The following KLF8 variants were observed in gnomAD, a reference collection of about 807,000 sequenced individuals.
KLF8 encodes the protein KLF transcription factor 8.
KLF8 carries 10 observed loss-of-function variants against 18.2 expected under a neutral mutation model. The ratio of observed to expected loss-of-function variants is 0.55; its 90% CI spans 0.34 to 0.93. KLF8 has a LOEUF of 0.93. Ranked by LOEUF, KLF8 falls within the 40% of genes least tolerant of loss-of-function variation. The pLI is 0.02. For missense variants in KLF8, 264 were observed against 277.9 expected (o/e 0.95, Z 0.36); for synonymous variants, 109 against 97.3 (o/e 1.12, Z -0.71).
At chrX:55,986,853 A>G in the KLF8 span, among the ~76,000 whole-genome samples, 1 of 111,696 alleles carries the variant, frequency 9.0e-6, no homozygotes, top group Admixed American at 9.5e-5. Flanking sequence ...TCTCCCAGCC[A>G]TCACTCTCAA....
At chrX:56,113,155 G>A in the KLF8 span, among the ~76,000 whole-genome samples, 1 of 106,147 alleles carries the variant, frequency 9.4e-6, no homozygotes, top group Non-Finnish European at 1.9e-5. Flanking sequence ...CAGAGATTAT[G>A]CCACTGCACT....
At chrX:56,100,059 C>A in the KLF8 span, among the ~76,000 whole-genome samples, 15,225 of 111,018 alleles carry the variant, frequency 0.14, 1,106 homozygotes, top group Non-Finnish European at 0.21. Flanking sequence ...CAATGCCTGG[C>A]TTCAAAGCTT....
At chrX:55,947,523 A>G in the KLF8 span, among the ~76,000 whole-genome samples, 31 of 106,944 alleles carry the variant, frequency 2.9e-4, no homozygotes, top group Admixed American at 2.8e-3. Flanking sequence ...GCATTAGGAG[A>G]TACACCTAAT....
chrX:56,249,782 AT>A (rs2066678860), intron 1 of KLF8, among the ~76,000 whole-genome samples: 1 of 111,661 alleles, frequency 9.0e-6, no homozygotes, highest in African/African-American at 3.3e-5. Flanking sequence ...AACTGTTTTT[AT>A]TACCCCACCT....
intron 5 of KLF8, among the ~76,000 whole-genome samples, chrX:56,276,770 G>A (rs1224583580): frequency 9.0e-6 from 1 of 111,199 alleles, no homozygotes; most frequent in Non-Finnish European, 1.9e-5. Context: ...TAACCTTCTT[G>A]TACTTGGATA....
At chrX:56,264,382 G>T (rs1044577005) in intron 2 of KLF8, among the ~76,000 whole-genome samples, 15 of 107,064 alleles carry the variant, frequency 1.4e-4, no homozygotes, top group African/African-American at 3.5e-4. Context: ...GTATTTATTG[G>T]TTTTTTAAAC....
chrX:55,928,716 C>T, the KLF8 span, among the ~76,000 whole-genome samples: 2 of 111,955 alleles, frequency 1.8e-5, no homozygotes, highest in Non-Finnish European at 1.9e-5. Context: ...TTTTTCATGG[C>T]CTCATAGTAT....
the KLF8 span, among the ~76,000 whole-genome samples, chrX:56,040,903 T>C: frequency 1.2e-5 from 1 of 82,866 alleles, no homozygotes; most frequent in South Asian, 6.6e-4. Context: ...TTTTTTTTTT[T>C]CCGGTTTGTA....
the KLF8 span, among the ~76,000 whole-genome samples, chrX:56,153,986 G>A: frequency 2.2e-4 from 25 of 111,279 alleles, no homozygotes; most frequent in Non-Finnish European, 3.0e-4. Flanking sequence ...AATCAATATC[G>A]TGAAAATGGC....
chrX:56,193,337 G>A, the KLF8 span, among the ~76,000 whole-genome samples: 1 of 111,875 alleles, frequency 8.9e-6, no homozygotes, highest in Admixed American at 9.5e-5. Context: ...TGGCAAAGAC[G>A]CAGAGAAAAG....
the KLF8 span, among the ~76,000 whole-genome samples, chrX:56,120,316 T>C: frequency 1.8e-5 from 2 of 111,597 alleles, no homozygotes; most frequent in Non-Finnish European, 3.8e-5. Flanking sequence ...AGGATTTCAT[T>C]TTTCAGCTTT....
the KLF8 span, among the ~76,000 whole-genome samples, chrX:55,918,742 G>A: frequency 7.5e-5 from 8 of 106,704 alleles, no homozygotes; most frequent in Admixed American, 5.0e-4. Flanking sequence ...GAGCGTGTCC[G>A]TGTGTGTGTG....
intron 5 of KLF8, among the ~76,000 whole-genome samples, chrX:56,279,511 G>A (rs2067169276): frequency 8.9e-6 from 1 of 112,100 alleles, no homozygotes; most frequent in Admixed American, 9.5e-5. Context: ...TACAAAACTA[G>A]TGAGATGGGA....
At chrX:55,966,700 C>T in the KLF8 span, among the ~76,000 whole-genome samples, 1 of 111,687 alleles carries the variant, frequency 9.0e-6, no homozygotes, top group South Asian at 3.8e-4. Context: ...AAATACTCAA[C>T]TCTTCAATTT....
At chrX:56,055,347 C>T in the KLF8 span, among the ~76,000 whole-genome samples, 1 of 111,602 alleles carries the variant, frequency 9.0e-6, no homozygotes, top group Non-Finnish European at 1.9e-5. Flanking sequence ...CTTAGTTTGG[C>T]TATATATGAA....
At chrX:56,160,514 G>C in the KLF8 span, among the ~76,000 whole-genome samples, 1 of 111,366 alleles carries the variant, frequency 9.0e-6, no homozygotes, top group African/African-American at 3.3e-5. Context: ...TTACTATTGT[G>C]TGGGAGTCTA....
chrX:56,004,617 C>G, the KLF8 span, among the ~76,000 whole-genome samples: 2 of 111,341 alleles, frequency 1.8e-5, no homozygotes, highest in African/African-American at 6.5e-5. Flanking sequence ...AGGGTGGAAG[C>G]TTGGAGAAAA....
chrX:56,201,800 T>C, the KLF8 span, among the ~76,000 whole-genome samples: 1 of 111,541 alleles, frequency 9.0e-6, no homozygotes, highest in Non-Finnish European at 1.9e-5. Flanking sequence ...AAAATTACAT[T>C]AATAGAGGCT....
At chrX:55,987,641 A>T in the KLF8 span, among the ~76,000 whole-genome samples, 2 of 112,278 alleles carry the variant, frequency 1.8e-5, no homozygotes, top group Non-Finnish European at 3.8e-5. Context: ...TGCTATTGTG[A>T]ATAGTGCCGC....
Sources: gnomAD v4.1 joint callset for allele counts (sites outside exome capture counted in the v4.1 genomes callset) on GRCh38, gnomAD v4.1.1 for gene constraint, MANE v1.5 for transcripts, NCBI Gene and HGNC (gene_info 2026-07-23, HGNC 2026-07-21) for gene names.